The following SCAF8 variants were observed in gnomAD, a reference collection of about 807,000 sequenced individuals.
The protein encoded by SCAF8 is SR-related CTD associated factor 8.
A neutral mutation model predicts 140.5 loss-of-function variants in SCAF8; 23 were observed. That is an observed-to-expected ratio of 0.16 (90% CI 0.12 to 0.23). SCAF8 has a LOEUF of 0.23. Among genes scored for constraint, SCAF8 ranks in the 10% least tolerant of loss-of-function variants. The pLI, the probability that SCAF8 is intolerant of heterozygous loss-of-function variation, is 1.00. For missense variants in SCAF8, 1,397 were observed against 1,555.7 expected (o/e 0.90, Z 1.72); for synonymous variants, 575 against 528.9 (o/e 1.09, Z -1.20).
intron 17 of SCAF8, among the ~76,000 whole-genome samples, chr6:154,826,125 C>A (rs952751209): frequency 6.6e-6 from 1 of 151,888 alleles, no homozygotes; most frequent in Non-Finnish European, 1.5e-5. Flanking sequence ...TGTAAGTGTT[C>A]TAAATTACAG....
Position 154,831,133 on chromosome 6 carries a change from C to T in SCAF8, c.2352C>T (p.Thr784=). The T allele has an allele frequency of 6.3e-7, 1 of 1,574,868 alleles. No individual in the cohort carries two copies. Among genetic ancestry groups the T allele is most frequent in the Non-Finnish European group, 8.7e-7 (1 of 1,148,858 alleles). The change falls in exon 19 of 20, where the codon ACC becomes ACT. Residue 784 remains threonine, a synonymous_variant. Transcript: ENST00000367178. ...IDHQISSGEN[T]RSVIPNDISS... The stretch of plus-strand genomic sequence containing the variant: ...ACCAGATTTCTTCTGGTGAAAACAC[C>T]AGATCAGGTAAATAATAATAATAAA...
Position 154,733,475 on chromosome 6 carries a change from C to A in SCAF8, c.-426C>A. The A allele has an allele frequency of 7.4e-7, 1 of 1,353,254 alleles. No individual in the cohort carries two copies. The highest frequency in any genetic ancestry group is 9.5e-7 in the Non-Finnish European group (1 of 1,056,056). The allele number at this position is 1,353,254 out of a possible 1,614,324, so 83.8% of individuals were successfully genotyped here. A position where few individuals can be genotyped will look rare whatever the true frequency, so the allele number is the denominator to read the frequency against. On this transcript the variant is annotated 5_prime_UTR_variant, in exon 1 of 20. The change creates a new upstream start codon in the 5' untranslated region. Transcript: ENST00000367178. ...CCTCCTCTGTCTTCGCCGAGCGGGG[C>A]TGGTTCCTGCGGCCCGAGCGGCGGG...
At chr6:154,749,444 G>C (rs1338603031) in intron 1 of SCAF8, among the ~76,000 whole-genome samples, 1 of 152,094 alleles carries the variant, frequency 6.6e-6, no homozygotes, top group African/African-American at 2.4e-5. Context: ...ATTCTGCAGG[G>C]TAGTCCGCAA....
At chr6:154,769,990 A>G (rs1365733441) in intron 1 of SCAF8, among the ~76,000 whole-genome samples, 3 of 152,226 alleles carry the variant, frequency 2.0e-5, no homozygotes, top group East Asian at 1.9e-4. Flanking sequence ...TAAGCACTGT[A>G]GTAATGTGGT....
rs67493657 is a variant in SCAF8, at chr6:154,812,176, CTTTTTTTTTTTTTT to C, written c.1420+1978_1420+1991del. ...CTCCATTGTGCTTTGAAGATACTGC[CTTTTTTTTTTTTTT>C]TTTTTTTTTAAATAGGTTGAAGGGT... On this transcript the variant is annotated intron_variant, in intron 12 of 19. Coordinates refer to ENST00000367178, the MANE Select transcript of SCAF8 (RefSeq NM_014892.5). 1.6e-3 allele frequency among the ~76,000 whole-genome samples: 169 copies of C among 106,392 alleles called. 1 individual carries two copies. Among genetic ancestry groups the C allele is most frequent in the African/African-American group, 5.7e-3 (150 of 26,344 alleles). The allele number at this position is 106,392 out of a possible 152,430, so 69.8% of individuals were successfully genotyped here. A position where few individuals can be genotyped will look rare whatever the true frequency, so the allele number is the denominator to read the frequency against.
rs1016822029 is a variant in SCAF8 at position 154,733,686 on chromosome 6, C to G, written c.-215C>G. On this transcript the variant is annotated 5_prime_UTR_variant, in exon 1 of 20. Coordinates refer to ENST00000367178, the MANE Select transcript of SCAF8 (RefSeq NM_014892.5). ...TCTGTTCCCTAGAACGGCGCTCCCC[C>G]CGCCCTAGCGGCCATGCCGGTGCCG... is the stretch of plus-strand genomic sequence containing the variant. The G allele has an allele frequency of 1.3e-5, 17 of 1,312,958 alleles. No individual in the cohort carries two copies. Among genetic ancestry groups the G allele is most frequent in the African/African-American group, 3.1e-5 (2 of 64,624 alleles). The allele number at this position is 1,312,958 out of a possible 1,614,324, so 81.3% of individuals were successfully genotyped here.
At chr6:154,756,231 C>T (rs908264801) in intron 1 of SCAF8, among the ~76,000 whole-genome samples, 2 of 152,122 alleles carry the variant, frequency 1.3e-5, no homozygotes, top group African/African-American at 4.8e-5. Context: ...CAAAGATGCT[C>T]CGTCACCAAT....
At chr6:154,735,638 C>G (rs1778396322) in intron 1 of SCAF8, among the ~76,000 whole-genome samples, 1 of 151,258 alleles carries the variant, frequency 6.6e-6, no homozygotes, top group South Asian at 2.1e-4. Flanking sequence ...CTCAGTGTCC[C>G]GAGTAGCTGG....
intron 18 of SCAF8, 98 bp downstream of exon 18, chr6:154,827,338 T>C (rs1418411796): frequency 3.6e-6 from 3 of 828,470 alleles, no homozygotes; most frequent in Non-Finnish European, 5.8e-6. Flanking sequence ...ATTTTTATTA[T>C]GAAAGCTTTA....
intron 6 of SCAF8, among the ~76,000 whole-genome samples, chr6:154,798,707 C>G (rs975151175): frequency 6.6e-6 from 1 of 151,366 alleles, no homozygotes; most frequent in Non-Finnish European, 1.5e-5. Context: ...CTTCAGGTAG[C>G]ATGACCCTTT....
chr6:154,775,247 AG>A (rs1229853750), intron 2 of SCAF8, among the ~76,000 whole-genome samples: 5 of 152,206 alleles, frequency 3.3e-5, no homozygotes, highest in Non-Finnish European at 2.9e-5. Context: ...AGAAAATCAG[AG>A]AGAACGACAG....
At position 154,752,523 on chromosome 6, in the gene SCAF8, C is replaced by A. The variant is rs75427965; in HGVS notation, c.30+18593C>A. 8.6e-5 allele frequency among the ~76,000 whole-genome samples: 13 copies of A among 151,904 alleles called. No homozygotes were observed. In the East Asian group the frequency reaches 2.3e-3, roughly 27 times the overall value. On this transcript the variant is annotated intron_variant, in intron 1 of 19. Transcript: ENST00000367178. Reference sequence around the variant, plus strand: ...TTTTTTATTTAAGAGGCTGCAACTGCGGAACATGTAGTGTCATTGTGGATA... The same window carrying A: ...TTTTTTATTTAAGAGGCTGCAACTGAGGAACATGTAGTGTCATTGTGGATA...
At chr6:154,794,579 T>G (rs1222771143) in intron 5 of SCAF8, among the ~76,000 whole-genome samples, 1 of 152,142 alleles carries the variant, frequency 6.6e-6, no homozygotes. Context: ...AATTTATAAG[T>G]TAACCTTTAT....
rs147988766 is a variant in SCAF8 at position 154,740,810 on chromosome 6, G to A, written c.30+6880G>A. Among the ~76,000 whole-genome samples the A allele has an allele frequency of 2.4e-3, 370 of 151,856 alleles. 3 individuals are homozygous for A. Among genetic ancestry groups the A allele is most frequent in the African/African-American group, 8.2e-3 (341 of 41,420 alleles). On this transcript the variant is annotated intron_variant, in intron 1 of 19. Coordinates refer to ENST00000367178, the MANE Select transcript of SCAF8 (RefSeq NM_014892.5). Reference sequence around the variant, plus strand: ...ATTGTTGTGTTTTGAATAGAGATGGGGTCTTGCCATATTGCCCAGGCTGGT... The same window carrying A: ...ATTGTTGTGTTTTGAATAGAGATGGAGTCTTGCCATATTGCCCAGGCTGGT...
At chr6:154,805,154 G>A (rs951457044) in intron 8 of SCAF8, among the ~76,000 whole-genome samples, 4 of 151,896 alleles carry the variant, frequency 2.6e-5, no homozygotes, top group East Asian at 1.9e-4. Flanking sequence ...TCTCTGACAC[G>A]TTATCCATCT....
At chr6:154,764,424 A>C (rs953252704) in intron 1 of SCAF8, among the ~76,000 whole-genome samples, 1 of 152,248 alleles carries the variant, frequency 6.6e-6, no homozygotes, top group Non-Finnish European at 1.5e-5. Flanking sequence ...GAGAATTTGC[A>C]CAAGTAAAGG....
Position 154,833,581 on chromosome 6 carries a change from A to G in SCAF8, c.*186A>G, listed in dbSNP as rs192809340. 1.3e-4 allele frequency: 61 copies of G among 483,102 alleles called. No homozygotes were observed. The Admixed American group carries it at 2.3e-3, about 18-fold the overall frequency. 29.9% of individuals were successfully genotyped at this position (483,102 alleles called of 1,614,324 possible). A position where few individuals can be genotyped will look rare whatever the true frequency, so the allele number is the denominator to read the frequency against. ...TATAGACATTGTTCTTAATATGAAC[A>G]TGGTAGGTAAACTTTTTTTTTATTT... On this transcript the variant is annotated 3_prime_UTR_variant, in exon 20 of 20. Transcript: ENST00000367178.
chr6:154,739,841 A>G (rs1370458038), intron 1 of SCAF8, among the ~76,000 whole-genome samples: 5 of 152,234 alleles, frequency 3.3e-5, no homozygotes, highest in African/African-American at 1.2e-4. Flanking sequence ...TAATCTCACC[A>G]ACATCTAGTA....
chr6:154,792,495 C>T (rs1777452508), intron 4 of SCAF8, among the ~76,000 whole-genome samples: 1 of 152,122 alleles, frequency 6.6e-6, no homozygotes. Flanking sequence ...CCTGGCTCAT[C>T]CTCAGAATCC....
Sources: gnomAD v4.1 joint callset for allele counts (sites outside exome capture counted in the v4.1 genomes callset) on GRCh38, gnomAD v4.1.1 for gene constraint, MANE v1.5 for transcripts, NCBI Gene and HGNC (gene_info 2026-07-23, HGNC 2026-07-21) for gene names.